DSC3: variants seen among roughly 807,000 people sequenced by gnomAD.
DSC3 encodes desmocollin 3.
DSC3 carries 97 observed loss-of-function variants against 89.5 expected under a neutral mutation model. That is an observed-to-expected ratio of 1.08 (90% confidence interval 0.92 to 1.28). The LOEUF is 1.28. Among genes scored for constraint, DSC3 ranks in the 50% most tolerant of loss-of-function variants. DSC3 has a pLI of 0.00. For missense variants in DSC3, 1,199 were observed against 1,085.3 expected (o/e 1.10, Z -1.47); for synonymous variants, 436 against 384.1 (o/e 1.14, Z -1.58).
chr18:31,012,569 T>C (rs1985105700), intron 9 of DSC3, among the ~76,000 whole-genome samples: 1 of 152,210 alleles, frequency 6.6e-6, no homozygotes, highest in African/African-American at 2.4e-5. Context: ...CAGCATGTTA[T>C]TTCTCTTTGA....
chr18:31,007,408 T>G (rs1398812777), intron 11 of DSC3, among the ~76,000 whole-genome samples: 3 of 152,158 alleles, frequency 2.0e-5, no homozygotes, highest in African/African-American at 7.2e-5. Context: ...TCTCTATTTT[T>G]GGGGGTTCCA....
In DSC3 at chr18:31,001,713, C is replaced by T. The variant is rs909232804; in HGVS notation, c.2140G>A (p.Val714Ile). The change falls in exon 14 of 16, where the codon GTT becomes ATT. Residue 714 changes from valine to isoleucine, a missense_variant. Val to Ile is a conservative substitution (Grantham distance 29). Coordinates refer to ENST00000360428, the MANE Select transcript of DSC3 (RefSeq NM_001941.5). ...CGTTTCCCTTTAGTTGCACCAAAAA[C>T]TCCACATACTAAAGTTAGCAATACA... is the stretch of plus-strand genomic sequence containing the variant. Reference protein sequence around the residue: ...FSVLLTLVCGVFGATKGKRFP... With the variant: ...FSVLLTLVCGIFGATKGKRFP... The T allele has an allele frequency of 6.2e-7, 1 of 1,607,776 alleles. No individual in the cohort carries two copies. The highest frequency in any genetic ancestry group is 8.5e-7 in the Non-Finnish European group (1 of 1,177,200).
In DSC3 at chr18:30,997,098, G is replaced by C. The variant is rs182577886; in HGVS notation, c.2236-50C>G. 2.1e-3 allele frequency: 3,406 copies of C among 1,606,716 alleles called. 4 individuals carry two copies. Among genetic ancestry groups the C allele is most frequent in the Non-Finnish European group, 2.7e-3 (3,218 of 1,173,930 alleles). On this transcript the variant is annotated intron_variant, in intron 14 of 15. Transcript: ENST00000360428. ...CATGTTGAGAGGAAATGGATTCTAA[G>C]TTGTCATGAGAAGGCAAAGGAGAGA... is the stretch of plus-strand genomic sequence containing the variant.
intron 5 of DSC3, among the ~76,000 whole-genome samples, chr18:31,024,820 T>C (rs1292641107): frequency 6.6e-6 from 1 of 152,060 alleles, no homozygotes; most frequent in Non-Finnish European, 1.5e-5. Context: ...AGAGAACAAT[T>C]AAACTCACTG....
Position 31,042,712 on chromosome 18 carries a change from G to A in DSC3, c.-52C>T. On this transcript the variant is annotated 5_prime_UTR_variant, in exon 1 of 16. Coordinates refer to ENST00000360428, the MANE Select transcript of DSC3 (RefSeq NM_001941.5). ...CGCGGGCGCCGGGAGGGTGCCGAGA[G>A]CGAGACCTGCCGAGGTGCAGGGCGC... The A allele has an allele frequency of 1.3e-6, 2 of 1,509,842 alleles. No individual in the cohort carries two copies. Among genetic ancestry groups the A allele is most frequent in the Non-Finnish European group, 1.8e-6 (2 of 1,115,736 alleles). The allele number at this position is 1,509,842 out of a possible 1,614,324, so 93.5% of individuals were successfully genotyped here.
intron 14 of DSC3, 98 bp from the exon 15 acceptor site, chr18:30,997,146 T>G: frequency 8.1e-7 from 1 of 1,236,454 alleles, no homozygotes. Context: ...AACCTTTTAT[T>G]CATTCATTCA....
chr18:31,035,608 T>C (rs796458645), intron 1 of DSC3, among the ~76,000 whole-genome samples: 22 of 152,142 alleles, frequency 1.4e-4, no homozygotes, highest in African/African-American at 5.3e-4. Context: ...AAAAAAAAGC[T>C]ATGCCCAATA....
At position 31,006,512 on chromosome 18, in the gene DSC3, C is replaced by T. The variant is rs946730799; in HGVS notation, c.1888+395G>A. Among the ~76,000 whole-genome samples, 7 of 152,014 alleles carry T rather than the reference C, an allele frequency of 4.6e-5. No individual in the cohort carries two copies. The East Asian group carries it at 1.3e-3, about 29-fold the overall frequency. On this transcript the variant is annotated intron_variant, in intron 12 of 15. Transcript: ENST00000360428. Reference sequence around the variant, plus strand: ...ATGGGGTTTCACCATGTTGGCCAGGCTGGTCTTGAACTCCTGACCTCAAGT... The same window carrying T: ...ATGGGGTTTCACCATGTTGGCCAGGTTGGTCTTGAACTCCTGACCTCAAGT...
At chr18:31,011,867 C>T (rs1056028550) in intron 9 of DSC3, among the ~76,000 whole-genome samples, 2 of 149,546 alleles carry the variant, frequency 1.3e-5, no homozygotes, top group Non-Finnish European at 3.0e-5. Context: ...GAGGCATGCG[C>T]CTGTAGTCCC....
At chr18:31,007,772 C>T (rs544982949) in intron 11 of DSC3, among the ~76,000 whole-genome samples, 14 of 152,022 alleles carry the variant, frequency 9.2e-5, no homozygotes, top group Admixed American at 3.3e-4. Context: ...TATTTTTGTC[C>T]TCTAGCATAG....
chr18:31,032,406 G>C, intron 1 of DSC3, 130 bp from the exon 2 acceptor site: 1 of 703,846 alleles, frequency 1.4e-6, no homozygotes, highest in Non-Finnish European at 2.5e-6. Flanking sequence ...AGCAAACTAG[G>C]AATAGAAAGG....
chr18:31,022,261 A>T, intron 7 of DSC3, 75 bp downstream of exon 7: 1 of 1,549,146 alleles, frequency 6.5e-7, no homozygotes, highest in African/African-American at 1.4e-5. Flanking sequence ...AATCCACAGG[A>T]TAGCAAGTTA....
rs17713158 is a variant in DSC3 at position 31,031,822 on chromosome 18, C to G, written c.154+370G>C. On this transcript the variant is annotated intron_variant, in intron 2 of 15. Coordinates refer to ENST00000360428, the MANE Select transcript of DSC3 (RefSeq NM_001941.5). Reference sequence around the variant, plus strand: ...AAATGCATATAAATATCAAAATGTACCTGTCATCCATGCCATTCTTCAACT... The same window carrying G: ...AAATGCATATAAATATCAAAATGTAGCTGTCATCCATGCCATTCTTCAACT... 6.3e-3 allele frequency among the ~76,000 whole-genome samples: 963 copies of G among 152,224 alleles called. 14 individuals carry two copies. Among genetic ancestry groups the G allele is most frequent in the African/African-American group, 0.022 (907 of 41,518 alleles).
intron 15 of DSC3, 45 bp from the exon 16 acceptor site, chr18:30,994,417 A>G: frequency 6.3e-7 from 1 of 1,594,726 alleles, no homozygotes; most frequent in South Asian, 1.1e-5. Flanking sequence ...GTTTTAAACA[A>G]CTTAAATATA....
intron 7 of DSC3, among the ~76,000 whole-genome samples, chr18:31,020,669 G>T (rs532544818): frequency 6.6e-6 from 1 of 151,866 alleles, no homozygotes; most frequent in African/African-American, 2.4e-5. Context: ...CTAGTCAGGT[G>T]CCATGGCTCA....
intron 13 of DSC3, 25 bp downstream of exon 13, chr18:31,004,117 A>G (rs1419815832): frequency 1.3e-6 from 2 of 1,546,374 alleles, no homozygotes; most frequent in Non-Finnish European, 1.8e-6. Flanking sequence ...ATATATTTTA[A>G]CTTCAAGAAA....
intron 9 of DSC3, among the ~76,000 whole-genome samples, chr18:31,014,046 A>G (rs1351044561): frequency 6.6e-6 from 1 of 152,142 alleles, no homozygotes; most frequent in African/African-American, 2.4e-5. Flanking sequence ...ATTTTACTGT[A>G]ATGTCTAAAA....
Position 30,993,394 on chromosome 18 carries a change from T to C in DSC3, c.*781A>G, listed in dbSNP as rs1362594897. 6.6e-6 allele frequency: 1 copy of C among 152,182 alleles called. No homozygotes were observed. Among genetic ancestry groups the C allele is most frequent in the Non-Finnish European group, 1.5e-5 (1 of 68,034 alleles). The allele number at this position is 152,182 out of a possible 1,614,324, so 9.4% of individuals were successfully genotyped here. The stretch of plus-strand genomic sequence containing the variant: ...GAAAAGTTTAATTTATTTACAATTT[T>C]AAACAAATTACACAAATTGGACAGG... On this transcript the variant is annotated 3_prime_UTR_variant, in exon 16 of 16. Transcript: ENST00000360428.
chr18:31,007,135 A>C lies in DSC3; in HGVS notation c.1664-4T>G, dbSNP rs777538488. 1.9e-6 allele frequency: 3 copies of C among 1,601,600 alleles called. No individual in the cohort carries two copies. The highest frequency in any genetic ancestry group is 2.6e-6 in the Non-Finnish European group (3 of 1,168,930). ...GTTCCAGTACATGATCTATCATCTAAGGAGACAGGAATAAGGTTTAGTGTT... is the reference window on the plus strand; with the variant it reads ...GTTCCAGTACATGATCTATCATCTACGGAGACAGGAATAAGGTTTAGTGTT... On this transcript the variant is annotated splice_polypyrimidine_tract_variant and splice_region_variant and intron_variant, in intron 11 of 15. Transcript: ENST00000360428.
Sources: allele counts gnomAD v4.1 joint callset (sites outside exome capture counted in the v4.1 genomes callset), GRCh38; gene constraint gnomAD v4.1.1; transcripts MANE v1.5; gene names NCBI Gene and HGNC (gene_info 2026-07-23, HGNC 2026-07-21).